The following PAN2 variants were observed in gnomAD, a reference collection of about 807,000 sequenced individuals.
PAN2 encodes poly(A) specific ribonuclease subunit PAN2, also known as PAN2-PAN3 deadenylation complex catalytic subunit PAN2.
Under a neutral mutation model 133.3 loss-of-function variants are expected in PAN2, and 68 were observed. The observed-to-expected ratio is 0.51, with a 90% CI of 0.42 to 0.62. PAN2 has a LOEUF of 0.62. Among genes scored for constraint, PAN2 ranks in the 20% least tolerant of loss-of-function variants. PAN2 has a pLI of 0.00. For synonymous variants in PAN2, 462 were observed against 544.6 expected (o/e 0.85, Z 2.11); for missense variants, 1,042 against 1,500.5 (o/e 0.69, Z 5.05).
chr12:56,333,705 G>C (rs1299710852), intron 1 of PAN2, 157 bp downstream of exon 1: 3 of 152,564 alleles, frequency 2.0e-5, no homozygotes, highest in African/African-American at 7.2e-5. Flanking sequence ...ATTGGGGCGG[G>C]GGCAGGGGAA....
chr12:56,327,463 T>C lies in PAN2; in HGVS notation c.820A>G (p.Met274Val), dbSNP rs200696005. The change falls in exon 6 of 26, where the codon ATG becomes GTG. Residue 274 changes from methionine to valine, a missense_variant. Around this residue, in one of 3 missense-constraint regions of PAN2, gnomAD observed 908 missense variants for 1,223.5 expected, o/e 0.74. Coordinates refer to ENST00000440411, the MANE Select transcript of PAN2 (RefSeq NM_014871.6). ...TGAAGTGGTGTGATGGCACGCATCA[T>C]GCGCAAATCATACACCTTGAGGAAA... ...DRFLKVYDLRMMRAITPLQVH... is the reference protein window; with the variant it reads ...DRFLKVYDLRVMRAITPLQVH... The C allele has an allele frequency of 2.6e-5, 42 of 1,614,212 alleles. No individual in the cohort carries two copies. The East Asian group carries it at 7.1e-4, about 27-fold the overall frequency.
chr12:56,333,468 C>T (rs749409173), intron 1 of PAN2: 13 of 237,204 alleles, frequency 5.5e-5, no homozygotes, highest in Admixed American at 4.4e-4. Flanking sequence ...TTTCTTCTCA[C>T]TTCGGACTGC....
In PAN2 at chr12:56,324,453, G is replaced by A. The variant is rs1165605839; in HGVS notation, c.1769C>T (p.Ala590Val). 6.2e-7 allele frequency: 1 copy of A among 1,614,210 alleles called. No homozygotes were observed. The highest frequency in any genetic ancestry group is 1.7e-5 in the Admixed American group (1 of 60,022). ...AGCCAGGATTAGACCGAGGGCTGAG[G>A]CCTCAGGAATAGTACGGAATGCCCG... ...FLRAFRTIPE[A>V]SALGLILADS... is the part of the protein sequence containing the mutation. The change falls in exon 12 of 26, where the codon GCC becomes GTC. Residue 590 changes from alanine to valine, a missense_variant. Ala to Val is a moderately conservative substitution (Grantham distance 64). This residue lies in a region of PAN2 where 908 missense variants were observed against 1,223.5 expected (regional missense o/e 0.74). Coordinates refer to ENST00000440411, the MANE Select transcript of PAN2 (RefSeq NM_014871.6).
At chr12:56,325,195 C>T in intron 9 of PAN2, 67 bp from the exon 10 acceptor site, 1 of 1,589,922 alleles carries the variant, frequency 6.3e-7, no homozygotes, top group South Asian at 1.1e-5. Context: ...CCAGTAGCCA[C>T]AGCCTTTCCT....
chr12:56,331,337 A>G (rs77768890), intron 2 of PAN2, among the ~76,000 whole-genome samples: 6,934 of 152,230 alleles, frequency 0.046, 225 homozygotes, highest in Non-Finnish European at 0.068. Flanking sequence ...TGTTTATCCT[A>G]TGCTAAGACG....
At chr12:56,324,212 A>G (rs200162350) in intron 12 of PAN2, 27 bp from the exon 13 acceptor site, 104 of 1,612,710 alleles carry the variant, frequency 6.4e-5, no homozygotes, top group South Asian at 3.6e-4. Flanking sequence ...TGATATATGC[A>G]CATTGAGGAA....
At chr12:56,323,998 C>T (rs1356315029) in intron 13 of PAN2, 51 bp downstream of exon 13, 3 of 1,612,054 alleles carry the variant, frequency 1.9e-6, no homozygotes, top group Non-Finnish European at 2.5e-6. Flanking sequence ...TATTACAGGA[C>T]ATTTTGGGGA....
At position 56,325,137 on chromosome 12, in the gene PAN2, G is replaced by C. The variant is rs749968231; in HGVS notation, c.1480-9C>G. ...GAATATTTGATGGTCACCTAAGGTA[G>C]AAATTGTCTGAGCAAGACAAGGATA... is the stretch of plus-strand genomic sequence containing the variant. On this transcript the variant is annotated splice_polypyrimidine_tract_variant and intron_variant, in intron 9 of 25. Coordinates refer to ENST00000440411, the MANE Select transcript of PAN2 (RefSeq NM_014871.6). 2 of 1,613,056 alleles carry C rather than the reference G, an allele frequency of 1.2e-6. No homozygotes were observed. The highest frequency in any genetic ancestry group is 1.7e-6 in the Non-Finnish European group (2 of 1,179,448).
At chr12:56,329,068 T>C (rs1050919760) in intron 2 of PAN2, among the ~76,000 whole-genome samples, 2 of 152,194 alleles carry the variant, frequency 1.3e-5, no homozygotes, top group African/African-American at 4.8e-5. Context: ...TCCTTGAATT[T>C]TGGTATCTGG....
At position 56,325,342 on chromosome 12, in the gene PAN2, T is replaced by G; in HGVS notation, c.1472A>C (p.Tyr491Ser). The G allele has an allele frequency of 1.2e-6, 2 of 1,614,170 alleles. No individual in the cohort carries two copies. Among genetic ancestry groups the G allele is most frequent in the Non-Finnish European group, 1.7e-6 (2 of 1,180,006 alleles). Residue 491 changes from tyrosine (Y) to serine (S), a missense_variant, in exon 9 of 26, where the codon TAC (tyrosine) becomes TCC (serine). Coordinates refer to ENST00000440411, the MANE Select transcript of PAN2 (RefSeq NM_014871.6). ...EPHLHMVSKK[Y>S]RKVTIKYSKL... is the part of the protein sequence containing the mutation. ...CCTGATGTCCCCCAGCACCTTGCGGTATTTCTTAGAAACCATGTGGAGATG... is the reference window on the plus strand; with the variant it reads ...CCTGATGTCCCCCAGCACCTTGCGGGATTTCTTAGAAACCATGTGGAGATG...
chr12:56,330,353 C>CTTTTTTTTTTT lies in PAN2; in HGVS notation c.283-1723_283-1713dup, dbSNP rs10525866. Among the ~76,000 whole-genome samples the CTTTTTTTTTTT allele has an allele frequency of 6.4e-3, 594 of 92,610 alleles. 6 individuals are homozygous for CTTTTTTTTTTT. The highest frequency in any genetic ancestry group is 0.025 in the Middle Eastern group (2 of 80). 60.8% of individuals were successfully genotyped at this position (92,610 alleles called of 152,430 possible). On this transcript the variant is annotated intron_variant, in intron 2 of 25. Transcript: ENST00000440411. ...AACCCCCTTACTCAACTGTATTTTT[C>CTTTTTTTTTTT]TTTTTTTTTTTTTTTTTTTTTTTTG...
At chr12:56,326,082 A>G (rs1184276706) in intron 8 of PAN2, among the ~76,000 whole-genome samples, 2 of 152,242 alleles carry the variant, frequency 1.3e-5, no homozygotes, top group Non-Finnish European at 2.9e-5. Context: ...TAACAACAGA[A>G]CGTAATTTCT....
rs367895499 is a variant in PAN2, at chr12:56,319,667, T to C, written c.3044A>G (p.Asn1015Ser). 9.9e-5 allele frequency: 159 copies of C among 1,613,692 alleles called. No homozygotes were observed. The highest frequency in any genetic ancestry group is 5.3e-4 in the East Asian group (24 of 44,886). The change falls in exon 22 of 26, where the codon AAT becomes AGT. Residue 1015 changes from asparagine to serine, a missense_variant. Physicochemically the swap from Asn to Ser is conservative, Grantham distance 46. Coordinates refer to ENST00000440411, the MANE Select transcript of PAN2 (RefSeq NM_014871.6). The surrounding 1 kb of genome is among the most constrained non-coding windows in gnomAD (Gnocchi z 5.4). ...RITCVRGQGP[N>S]EGIPFIDDYI... ...GTCATCAATGAAGGGGATACCCTCATTGGGTCCCTGGCCCCGAACACAGGT... is the reference window on the plus strand; with the variant it reads ...GTCATCAATGAAGGGGATACCCTCACTGGGTCCCTGGCCCCGAACACAGGT...
chr12:56,332,720 G>T, intron 2 of PAN2, 93 bp downstream of exon 2: 1 of 1,288,206 alleles, frequency 7.8e-7, no homozygotes, highest in East Asian at 2.3e-5. Context: ...ACAACTCCTC[G>T]GTACTGGCTA....
chr12:56,333,048 G>A lies in PAN2; in HGVS notation c.47C>T (p.Ala16Val), dbSNP rs374109535. The A allele has an allele frequency of 6.2e-7, 1 of 1,614,142 alleles. No individual in the cohort carries two copies. The highest frequency in any genetic ancestry group is 8.5e-7 in the Non-Finnish European group (1 of 1,180,006). Residue 16 changes from alanine to valine, a missense_variant, in exon 2 of 26, where the codon GCC becomes GTC. Physicochemically the swap from Ala to Val is moderately conservative, Grantham distance 64. This residue lies in a region of PAN2 where 908 missense variants were observed against 1,223.5 expected (regional missense o/e 0.74). Coordinates refer to ENST00000440411, the MANE Select transcript of PAN2 (RefSeq NM_014871.6). ...LDPGLAEYAP[A>V]MHSALDPVLD... is the part of the protein sequence containing the mutation. ...GACAGGGTCCAGGGCAGAATGCATG[G>A]CTGGGGCATATTCTGCCAGTCCAGG...
rs776834389 is a variant in PAN2 at position 56,319,539 on chromosome 12, C to T, written c.3091-52G>A. On this transcript the variant is annotated intron_variant, in intron 22 of 25. Transcript: ENST00000440411. This position sits in a 1 kb window ranked among gnomAD's most constrained non-coding sequence, Gnocchi z 5.4. ...TTTTCAGGAAGTGAGATGGAGTCTT[C>T]CCCTATCACTCTTCCCTGGGTTCTT... 6.3e-7 allele frequency: 1 copy of T among 1,592,040 alleles called. No individual in the cohort carries two copies. The highest frequency in any genetic ancestry group is 8.6e-7 in the Non-Finnish European group (1 of 1,167,618).
chr12:56,319,243 A>C lies in PAN2; in HGVS notation c.3271-62T>G. The stretch of plus-strand genomic sequence containing the variant: ...GGACCTATAATTCCCCATTCTCTAA[A>C]GGCACAATGTATACCCTGAGGGGCC... On this transcript the variant is annotated intron_variant, in intron 23 of 25. Coordinates refer to ENST00000440411, the MANE Select transcript of PAN2 (RefSeq NM_014871.6). The surrounding 1 kb of genome is among the most constrained non-coding windows in gnomAD (Gnocchi z 5.4). 1 of 1,613,826 alleles carries C rather than the reference A, an allele frequency of 6.2e-7. No individual in the cohort carries two copies. Among genetic ancestry groups the C allele is most frequent in the Non-Finnish European group, 8.5e-7 (1 of 1,179,794 alleles).
rs768949206 is a variant in PAN2, at chr12:56,327,322, G to A, written c.919+42C>T. ...CTCCTTCGGGTTCTAGCTCTCCTTT[G>A]CTCATCGATCCCTCCTACCCAATCC... On this transcript the variant is annotated intron_variant, in intron 6 of 25. Coordinates refer to ENST00000440411, the MANE Select transcript of PAN2 (RefSeq NM_014871.6). The A allele has an allele frequency of 6.9e-6, 11 of 1,598,186 alleles. No homozygotes were observed. In the African/African-American group the frequency reaches 9.4e-5, roughly 14 times the overall value.
In PAN2 at chr12:56,325,416, G is replaced by A. The variant is rs1268522541; in HGVS notation, c.1398C>T (p.Asp466=). 3 of 1,614,046 alleles carry A rather than the reference G, an allele frequency of 1.9e-6. No individual in the cohort carries two copies. The highest frequency in any genetic ancestry group is 2.5e-6 in the Non-Finnish European group (3 of 1,179,986). ...YRLKESDSEF[D]SFSQVTESPV... ...GTGACTCAGTGACCTGGCTGAAGCTGTCAAATTCACTGTCTGACTCCTTGA... is the reference window on the plus strand; with the variant it reads ...GTGACTCAGTGACCTGGCTGAAGCTATCAAATTCACTGTCTGACTCCTTGA... Residue 466 remains aspartate, a synonymous_variant, in exon 9 of 26, where the codon GAC becomes GAT. Transcript: ENST00000440411.
Sources: gnomAD v4.1 joint callset for allele counts (sites outside exome capture counted in the v4.1 genomes callset) on GRCh38, gnomAD v4.1.1 for gene constraint, gnomAD v4.1.1 regional missense constraint, Gnocchi (gnomAD v3.1) non-coding constraint, MANE v1.5 for transcripts, NCBI Gene and HGNC (gene_info 2026-07-23, HGNC 2026-07-21) for gene names.